NECAB1: variants seen among roughly 807,000 people sequenced by gnomAD.
NECAB1 encodes the protein N-terminal EF-hand calcium binding protein 1.
Under a neutral mutation model 57.5 loss-of-function variants are expected in NECAB1, and 29 were observed. That is an observed-to-expected ratio of 0.50 (90% CI 0.38 to 0.69). The LOEUF is 0.69. NECAB1 is among the 30% of genes least tolerant of loss of function. The pLI, the probability that NECAB1 is intolerant of heterozygous loss-of-function variation, is 0.00. For missense variants in NECAB1, 372 were observed against 413.8 expected (o/e 0.90, Z 0.88); for synonymous variants, 142 against 147.7 (o/e 0.96, Z 0.28).
At chr8:90,871,425 T>C (rs535848137) in intron 3 of NECAB1, among the ~76,000 whole-genome samples, 53 of 152,302 alleles carry the variant, frequency 3.5e-4, no homozygotes, top group Non-Finnish European at 6.3e-4. Flanking sequence ...AAGGACATTA[T>C]TCTTCTGATA....
chr8:90,940,427 C>T (rs1000459800), intron 9 of NECAB1: 1 of 188,994 alleles, frequency 5.3e-6, no homozygotes, highest in African/African-American at 2.3e-5. Context: ...TCTGCCTGCA[C>T]AATACAGACA....
intron 3 of NECAB1, among the ~76,000 whole-genome samples, chr8:90,867,116 G>A (rs1857752): frequency 0.42 from 63,941 of 151,994 alleles, 15,448 homozygotes; most frequent in East Asian, 0.77. Context: ...ATGTAGCACA[G>A]AAACAGCTGA....
chr8:90,910,973 G>A (rs552014119), intron 5 of NECAB1, among the ~76,000 whole-genome samples: 1 of 152,126 alleles, frequency 6.6e-6, no homozygotes, highest in Non-Finnish European at 1.5e-5. Flanking sequence ...GTAGGTTGAT[G>A]ATGACACCTT....
At chr8:90,925,383 T>G (rs1810239541) in intron 6 of NECAB1, among the ~76,000 whole-genome samples, 152 bp from the exon 7 acceptor site, 1 of 152,192 alleles carries the variant, frequency 6.6e-6, no homozygotes, top group African/African-American at 2.4e-5. Context: ...CAAATTACAT[T>G]GGGTTTCTAG....
At chr8:90,847,750 A>C (rs7002244) in intron 3 of NECAB1, among the ~76,000 whole-genome samples, 49,239 of 152,172 alleles carry the variant, frequency 0.32, 9,208 homozygotes, top group East Asian at 0.73. Context: ...TTGCACCCTC[A>C]AAAGCCATGG....
At chr8:90,803,687 A>C (rs1461102855) in intron 2 of NECAB1, among the ~76,000 whole-genome samples, 1 of 152,036 alleles carries the variant, frequency 6.6e-6, no homozygotes, top group Non-Finnish European at 1.5e-5. Context: ...ACATGCTGTC[A>C]AACTACCTGC....
intron 9 of NECAB1, among the ~76,000 whole-genome samples, chr8:90,939,296 C>T (rs1810613395): frequency 6.6e-6 from 1 of 152,144 alleles, no homozygotes; most frequent in African/African-American, 2.4e-5. Flanking sequence ...CCACCGGCCT[C>T]TTAGGGCCTG....
intron 9 of NECAB1, chr8:90,940,365 A>G (rs1810640332): frequency 1.3e-5 from 2 of 158,692 alleles, no homozygotes. Flanking sequence ...GCAATGAACA[A>G]TAGGACTTCT....
intron 8 of NECAB1, among the ~76,000 whole-genome samples, chr8:90,932,738 T>C (rs1254729545): frequency 6.6e-6 from 1 of 152,186 alleles, no homozygotes; most frequent in African/African-American, 2.4e-5. Flanking sequence ...TTATTTCAGA[T>C]AGTCTGGATT....
intron 9 of NECAB1, among the ~76,000 whole-genome samples, chr8:90,938,605 T>G (rs1347143658): frequency 6.6e-6 from 1 of 152,232 alleles, no homozygotes; most frequent in African/African-American, 2.4e-5. Flanking sequence ...CTTGTCAGAA[T>G]AGTCATCAAA....
intron 3 of NECAB1, among the ~76,000 whole-genome samples, chr8:90,858,530 A>T (rs1303369667): frequency 6.6e-6 from 1 of 152,162 alleles, no homozygotes; most frequent in Non-Finnish European, 1.5e-5. Flanking sequence ...TGAAAGAAAG[A>T]GAGTATATCC....
chr8:90,839,688 G>A (rs1218930135), intron 3 of NECAB1, among the ~76,000 whole-genome samples: 1 of 152,174 alleles, frequency 6.6e-6, no homozygotes, highest in Non-Finnish European at 1.5e-5. Flanking sequence ...ACGAGAGAGA[G>A]TGTGGCATGT....
chr8:90,879,550 G>C (rs1165447975), intron 4 of NECAB1, among the ~76,000 whole-genome samples: 1 of 152,078 alleles, frequency 6.6e-6, no homozygotes, highest in Non-Finnish European at 1.5e-5. Context: ...TGAAGTAACA[G>C]CTTCACTTTT....
intron 3 of NECAB1, among the ~76,000 whole-genome samples, chr8:90,838,835 C>G (rs1812411341): frequency 6.6e-6 from 1 of 152,170 alleles, no homozygotes; most frequent in African/African-American, 2.4e-5. Context: ...CAGTCAGCTG[C>G]TATAATCTAT....
chr8:90,813,232 TATACACACACACACAC>T (rs1247618328), intron 2 of NECAB1: 27 of 49,516 alleles, frequency 5.5e-4, no homozygotes, highest in African/African-American at 2.4e-3. Context: ...TATATGTATA[TATACACACACACACAC>T]ACACACACAC....
chr8:90,807,564 C>A (rs1327382661), intron 2 of NECAB1, among the ~76,000 whole-genome samples: 1 of 152,214 alleles, frequency 6.6e-6, no homozygotes, highest in African/African-American at 2.4e-5. Flanking sequence ...CCACCCCGCA[C>A]TGTGCTCTCC....
intron 5 of NECAB1, among the ~76,000 whole-genome samples, chr8:90,885,644 A>G (rs184952150): frequency 4.6e-5 from 7 of 152,190 alleles, no homozygotes; most frequent in African/African-American, 1.7e-4. Flanking sequence ...TGGCTAGTTG[A>G]TTTATCAATA....
At chr8:90,884,157 TCAAA>T (rs1808914685) in intron 5 of NECAB1, among the ~76,000 whole-genome samples, 1 of 152,198 alleles carries the variant, frequency 6.6e-6, no homozygotes, top group Non-Finnish European at 1.5e-5. Flanking sequence ...CAGTTATTTT[TCAAA>T]CAAACACAGC....
chr8:90,799,884 A>C (rs923569704), intron 1 of NECAB1, among the ~76,000 whole-genome samples: 1 of 152,272 alleles, frequency 6.6e-6, no homozygotes, highest in East Asian at 1.9e-4. Context: ...GAATGTATAC[A>C]TTGCTTTGGG....
Sources: gnomAD v4.1 joint callset for allele counts (sites outside exome capture counted in the v4.1 genomes callset) on GRCh38, gnomAD v4.1.1 for gene constraint, MANE v1.5 for transcripts, NCBI Gene and HGNC (gene_info 2026-07-23, HGNC 2026-07-21) for gene names.